Variants in OR56A4 observed in about 807,000 individuals in gnomAD.
The protein encoded by OR56A4 is olfactory receptor family 56 subfamily A member 4.
Under a neutral mutation model 13.6 loss-of-function variants are expected in OR56A4, and 9 were observed. That is an observed-to-expected ratio of 0.66 (90% CI 0.40 to 1.15). OR56A4 has a LOEUF of 1.15. Ranked by LOEUF, OR56A4 falls within the 50% of genes most tolerant of loss-of-function variation. OR56A4 has a pLI of 0.01. For missense variants in OR56A4, 380 were observed against 375.9 expected, an observed-to-expected ratio of 1.01 and a Z score of -0.09; for synonymous variants, 167 against 153.9, an observed-to-expected ratio of 1.08 and a Z score of -0.63.
chr11:6,001,936 C>A lies in OR56A4; in HGVS notation c.*115G>T. 3 of 1,046,874 alleles carry A rather than the reference C, an allele frequency of 2.9e-6. No homozygotes were observed. Among genetic ancestry groups the A allele is most frequent in the South Asian group, 2.0e-5 (1 of 50,362 alleles). The allele number at this position is 1,046,874 out of a possible 1,614,324, so 64.8% of individuals were successfully genotyped here. A position where few individuals can be genotyped will look rare whatever the true frequency, so the allele number is the denominator to read the frequency against. ...CTGAGATATTGAGAACAGAAGAATC[C>A]GAACTCAGGCAGGATTTAAAGTGAA... On this transcript the variant is annotated 3_prime_UTR_variant, in exon 3 of 3. Coordinates refer to ENST00000641156, the MANE Select transcript of OR56A4 (RefSeq NM_001005179.4).
In OR56A4 at chr11:6,004,855, C is replaced by T. The variant is rs375663076; in HGVS notation, c.-37+1394G>A. Among the ~76,000 whole-genome samples the T allele has an allele frequency of 8.5e-5, 13 of 152,176 alleles. No individual in the cohort carries two copies. In the East Asian group the frequency reaches 1.7e-3, roughly 20 times the overall value. ...AGAAAATAGTGTTTTCTTAGTTCCT[C>T]GTCAGAATGCTAAAGACAGCAGTAC... On this transcript the variant is annotated intron_variant, in intron 2 of 2. Coordinates refer to ENST00000641156, the MANE Select transcript of OR56A4 (RefSeq NM_001005179.4).
chr11:6,005,785 T>G (rs992816473), intron 2 of OR56A4, among the ~76,000 whole-genome samples: 3 of 152,236 alleles, frequency 2.0e-5, no homozygotes, highest in Non-Finnish European at 4.4e-5. Flanking sequence ...ACCATCTCTT[T>G]TATACAGGTA....
At position 6,002,938 on chromosome 11, in the gene OR56A4, A is replaced by C; in HGVS notation, c.55T>G (p.Cys19Gly). Residue 19 changes from cysteine (C) to glycine (G), a missense_variant, in exon 3 of 3, where the codon TGC becomes GGC. Physicochemically the swap from Cys to Gly is radical, Grantham distance 159 (BLOSUM62 -3). Coordinates refer to ENST00000641156, the MANE Select transcript of OR56A4 (RefSeq NM_001005179.4). ...TAPVSEFLLI[C>G]FPNFQSWQHW... ...TGCCAGCTCTGGAAGTTGGGGAAGC[A>C]GATGAGGAGGAATTCAGAGACTGGG... The C allele has an allele frequency of 6.2e-7, 1 of 1,613,954 alleles. No homozygotes were observed. The highest frequency in any genetic ancestry group is 8.5e-7 in the Non-Finnish European group (1 of 1,179,908).
rs201766466 is a variant in OR56A4 at position 6,002,586 on chromosome 11, G to A, written c.407C>T (p.Pro136Leu). 6.8e-6 allele frequency: 11 copies of A among 1,614,092 alleles called. No individual in the cohort carries two copies. The highest frequency in any genetic ancestry group is 2.7e-5 in the African/African-American group (2 of 74,946). ...CACAAACTGGTCAGTGATGATAGAC[G>A]GGTATCTCAATGGATGGCAGATGGC... ...YVAICHPLRYPSIITDQFVAR... is the reference protein window; with the variant it reads ...YVAICHPLRYLSIITDQFVAR... The change falls in exon 3 of 3, where the codon CCG (proline) becomes CTG (leucine). Residue 136 changes from proline to leucine, a missense_variant. Transcript: ENST00000641156.
chr11:6,002,385 A>C lies in OR56A4; in HGVS notation c.608T>G (p.Phe203Cys). Residue 203 changes from phenylalanine (F) to cysteine (C), a missense_variant, in exon 3 of 3, where the codon TTT (phenylalanine) becomes TGT (cysteine). Coordinates refer to ENST00000641156, the MANE Select transcript of OR56A4 (RefSeq NM_001005179.4). The part of the protein sequence containing the change: ...DDITFNQLYQ[F>C]VAGWTLLGSD... ...GCCCAACAGAGTCCAGCCTGCCACA[A>C]ACTGGTAGAGCTGATTGAAAGTGAT... The C allele has an allele frequency of 6.2e-7, 1 of 1,614,226 alleles. No individual in the cohort carries two copies. The highest frequency in any genetic ancestry group is 1.1e-5 in the South Asian group (1 of 91,074).
In OR56A4 at chr11:6,002,720, G is replaced by T. The variant is rs537403712; in HGVS notation, c.273C>A (p.Asp91Glu). The change falls in exon 3 of 3, where the codon GAC (aspartate) becomes GAA (glutamate). Residue 91 changes from aspartate to glutamate, a missense_variant. Coordinates refer to ENST00000641156, the MANE Select transcript of OR56A4 (RefSeq NM_001005179.4). ...IPKVLAIFWF[D>E]LRSISFPACF... ...AGGCTGGGAAGCTGATCGACCTGAGGTCAAACCAGAAGATGGCCAGGACCT... is the reference window on the plus strand; with the variant it reads ...AGGCTGGGAAGCTGATCGACCTGAGTTCAAACCAGAAGATGGCCAGGACCT... The T allele has an allele frequency of 3.2e-5, 51 of 1,614,074 alleles. No homozygotes were observed. The African/African-American group carries it at 6.1e-4, about 19-fold the overall frequency.
At chr11:6,003,386 C>G (rs1848233540) in intron 2 of OR56A4, among the ~76,000 whole-genome samples, 1 of 152,196 alleles carries the variant, frequency 6.6e-6, no homozygotes, top group South Asian at 2.1e-4. Context: ...TTTCAGTACA[C>G]TTTACTAATA....
intron 2 of OR56A4, 120 bp from the exon 3 acceptor site, chr11:6,003,148 T>A: frequency 6.4e-7 from 1 of 1,551,824 alleles, no homozygotes; most frequent in African/African-American, 1.4e-5. Flanking sequence ...ACTGTCATCA[T>A]CCTCCCTTAT....
At chr11:6,005,245 C>CT (rs906358642) in intron 2 of OR56A4, among the ~76,000 whole-genome samples, 1 of 152,002 alleles carries the variant, frequency 6.6e-6, no homozygotes, top group African/African-American at 2.4e-5. Context: ...ATGCAACAAG[C>CT]TAAGAGCATC....
intron 2 of OR56A4, 198 bp from the exon 3 acceptor site, chr11:6,003,226 A>T (rs1474889312): frequency 2.3e-6 from 2 of 888,076 alleles, no homozygotes; most frequent in Non-Finnish European, 3.4e-6. Context: ...TCATCCTTTT[A>T]AAAAATACTA....
intron 1 of OR56A4, among the ~76,000 whole-genome samples, 164 bp downstream of exon 1, chr11:6,006,754 T>G (rs966188826): frequency 2.0e-5 from 3 of 152,208 alleles, no homozygotes; most frequent in Non-Finnish European, 4.4e-5. Flanking sequence ...CATAGGTCAG[T>G]AATGCTTGTA....
chr11:6,004,387 G>A (rs1321655403), intron 2 of OR56A4, among the ~76,000 whole-genome samples: 1 of 152,138 alleles, frequency 6.6e-6, no homozygotes, highest in Admixed American at 6.6e-5. Context: ...AGATTAGGAA[G>A]TGTGTAATCA....
chr11:6,001,816 G>T lies in OR56A4; in HGVS notation c.*235C>A, dbSNP rs1001925164. On this transcript the variant is annotated 3_prime_UTR_variant, in exon 3 of 3. Coordinates refer to ENST00000641156, the MANE Select transcript of OR56A4 (RefSeq NM_001005179.4). ...GATTCTTTGTTGCAGATTAGATCAG[G>T]AAAAATTCCAAAGTAACCATAGAAT... 1.6e-5 allele frequency: 7 copies of T among 445,222 alleles called. No individual in the cohort carries two copies. Among genetic ancestry groups the T allele is most frequent in the Admixed American group, 7.9e-5 (2 of 25,354 alleles). 27.6% of individuals were successfully genotyped at this position (445,222 alleles called of 1,614,324 possible).
At position 6,000,840 on chromosome 11, in the gene OR56A4, T is replaced by G. The variant is rs909055472; in HGVS notation, c.*1211A>C. ...TGTTAGGGCTAGAATATAGCAGGTC[T>G]GTAATAAAAAATGCTGTAACATATT... On this transcript the variant is annotated 3_prime_UTR_variant, in exon 3 of 3. Transcript: ENST00000641156. 6.6e-6 allele frequency: 1 copy of G among 152,216 alleles called. No individual in the cohort carries two copies. Among genetic ancestry groups the G allele is most frequent in the African/African-American group, 2.4e-5 (1 of 41,450 alleles). The allele number at this position is 152,216 out of a possible 1,614,324, so 9.4% of individuals were successfully genotyped here. A position where few individuals can be genotyped will look rare whatever the true frequency, so the allele number is the denominator to read the frequency against.
chr11:6,003,144 A>G (rs750964882), intron 2 of OR56A4, 116 bp from the exon 3 acceptor site: 35 of 1,558,138 alleles, frequency 2.2e-5, no homozygotes, highest in Non-Finnish European at 3.0e-5. Context: ...AATCACTGTC[A>G]TCATCCTCCC....
chr11:5,999,595 G>A lies in OR56A4; in HGVS notation c.*2456C>T, dbSNP rs1353207031. The A allele has an allele frequency of 3.3e-5, 5 of 152,128 alleles. No individual in the cohort carries two copies. The East Asian group carries it at 9.6e-4, about 29-fold the overall frequency. The allele number at this position is 152,128 out of a possible 1,614,324, so 9.4% of individuals were successfully genotyped here. A position where few individuals can be genotyped will look rare whatever the true frequency, so the allele number is the denominator to read the frequency against. ...TTCACTATATAAAGGTTCATTTTGTGCTGGCTAAAAATATGGCTCTCTGTT... is the reference window on the plus strand; with the variant it reads ...TTCACTATATAAAGGTTCATTTTGTACTGGCTAAAAATATGGCTCTCTGTT... On this transcript the variant is annotated 3_prime_UTR_variant, in exon 3 of 3. Transcript: ENST00000641156.
Position 6,002,425 on chromosome 11 carries a change from G to A in OR56A4, c.568C>T (p.Leu190Phe). The change falls in exon 3 of 3, where the codon CTC becomes TTC. Residue 190 changes from leucine to phenylalanine, a missense_variant. By Grantham distance (22) the Leu-to-Phe change is conservative. Transcript: ENST00000641156. ...CICSNLSVSKLSCDDITFNQL... is the reference protein window; with the variant it reads ...CICSNLSVSKFSCDDITFNQL... ...TTGAAAGTGATGTCATCACAAGAGA[G>A]TTTGGACACAGACAGGTTACTGCAG... 3 of 1,614,252 alleles carry A rather than the reference G, an allele frequency of 1.9e-6. 1 individual carries two copies. The South Asian group carries it at 3.3e-5, about 18-fold the overall frequency.
chr11:6,002,260 C>A lies in OR56A4; in HGVS notation c.733G>T (p.Gly245Cys), dbSNP rs1848219201. 1 of 1,614,134 alleles carries A rather than the reference C, an allele frequency of 6.2e-7. No homozygotes were observed. The highest frequency in any genetic ancestry group is 8.5e-7 in the Non-Finnish European group (1 of 1,179,986). The change falls in exon 3 of 3, where the codon GGT becomes TGT. Residue 245 changes from glycine to cysteine, a missense_variant. Gly to Cys is a radical substitution (Grantham distance 159). Transcript: ENST00000641156. ...AAGAGGATGAGGATGAAGTGGGAACCACACGTGCTCAAGGCCTTGGCCACA... is the reference window on the plus strand; with the variant it reads ...AAGAGGATGAGGATGAAGTGGGAACAACACGTGCTCAAGGCCTTGGCCACA... ...GAVAKALSTCGSHFILILFFS... is the reference protein window; with the variant it reads ...GAVAKALSTCCSHFILILFFS...
chr11:6,002,497 A>C lies in OR56A4; in HGVS notation c.496T>G (p.Ser166Ala). 1 of 1,614,234 alleles carries C rather than the reference A, an allele frequency of 6.2e-7. No individual in the cohort carries two copies. Among genetic ancestry groups the C allele is most frequent in the South Asian group, 1.1e-5 (1 of 91,080 alleles). Residue 166 changes from serine (S) to alanine (A), a missense_variant, in exon 3 of 3, where the codon TCT becomes GCT. Ser to Ala is a moderately conservative substitution (Grantham distance 99, BLOSUM62 1). Coordinates refer to ENST00000641156, the MANE Select transcript of OR56A4 (RefSeq NM_001005179.4). ...AFVSLPVPML[S>A]ARLRYCAGNI... ...CCTGCACAGTATCTGAGCCTGGCAG[A>C]AAGCATGGGAACAGGAAGAGAAACA... is the stretch of plus-strand genomic sequence containing the variant.
Sources: allele counts gnomAD v4.1 joint callset (sites outside exome capture counted in the v4.1 genomes callset), GRCh38; gene constraint gnomAD v4.1.1; transcripts MANE v1.5; gene names NCBI Gene and HGNC (gene_info 2026-07-23, HGNC 2026-07-21).